TLR6: variants seen among roughly 807,000 people sequenced by gnomAD.
The protein encoded by TLR6 is toll like receptor 6, also known as toll-like receptor 6.
Under a neutral mutation model 16.1 loss-of-function variants are expected in TLR6, and 9 were observed. The ratio of observed to expected loss-of-function variants is 0.56; its 90% CI spans 0.34 to 0.98. The LOEUF (loss-of-function observed/expected upper bound fraction) is 0.98. TLR6 is among the 50% of genes least tolerant of loss of function. The pLI is 0.02. For missense variants in TLR6, 786 were observed against 921.0 expected (o/e 0.85, Z 1.90); for synonymous variants, 340 against 338.6 (o/e 1.00, Z -0.04).
chr4:38,827,030 T>C (rs1332401125), exon 2 of TLR6: 2 of 1,359,242 alleles, frequency 1.5e-6, no homozygotes, highest in Non-Finnish European at 2.0e-6. Context: ...ACTGTACTAT[T>C]CACCATCATC....
intron 1 of TLR6, among the ~76,000 whole-genome samples, chr4:38,850,605 T>A (rs1712730152): frequency 6.6e-6 from 1 of 152,162 alleles, no homozygotes; most frequent in Non-Finnish European, 1.5e-5. Flanking sequence ...TAAACACCTC[T>A]ATGCAAATAA....
At chr4:38,835,830 T>C (rs1711884369) in intron 1 of TLR6, among the ~76,000 whole-genome samples, 1 of 152,174 alleles carries the variant, frequency 6.6e-6, no homozygotes, top group African/African-American at 2.4e-5. Flanking sequence ...CTTTTGAAAC[T>C]GTATAAATAC....
At chr4:38,841,717 C>T (rs1374514427) in intron 1 of TLR6, among the ~76,000 whole-genome samples, 1 of 152,188 alleles carries the variant, frequency 6.6e-6, no homozygotes, top group African/African-American at 2.4e-5. Flanking sequence ...TTTGATCAAT[C>T]GCATCAAAGG....
exon 2 of TLR6, chr4:38,827,795 T>C: frequency 6.2e-7 from 1 of 1,614,254 alleles, no homozygotes; most frequent in Non-Finnish European, 8.5e-7. Flanking sequence ...GTAGTCACAC[T>C]TATAAGAATC....
exon 2 of TLR6, chr4:38,828,531 G>C (rs1727664940): frequency 1.9e-6 from 3 of 1,613,898 alleles, no homozygotes; most frequent in Non-Finnish European, 2.5e-6. Context: ...AGAAAAACTT[G>C]GTTCGTGATA....
In TLR6 at chr4:38,836,987, C is replaced by T. The variant is rs572198031; in HGVS notation, c.-64-7450G>A. ...GAAATCAAGAAAGCAATCTTATTTG[C>T]ATAGCTACAAGACAATTACAATACC... On this transcript the variant is annotated intron_variant, in intron 1 of 1. Coordinates refer to ENST00000436693, the Ensembl canonical transcript of TLR6. 1.3e-4 allele frequency among the ~76,000 whole-genome samples: 20 copies of T among 150,666 alleles called. No individual in the cohort carries two copies. The East Asian group carries it at 3.9e-3, about 29-fold the overall frequency.
At chr4:38,830,325 G>A (rs1560263967) in intron 1 of TLR6, among the ~76,000 whole-genome samples, 1 of 152,208 alleles carries the variant, frequency 6.6e-6, no homozygotes, top group Non-Finnish European at 1.5e-5. Flanking sequence ...GACAGAAAAT[G>A]TAATAGCCAC....
chr4:38,857,804 C>T (rs560668643), upstream of TLR6, among the ~76,000 whole-genome samples: 22 of 152,330 alleles, frequency 1.4e-4, no homozygotes, highest in South Asian at 4.6e-3. Context: ...CAGGAAGTCT[C>T]CTCAGGCCTG....
upstream of TLR6, among the ~76,000 whole-genome samples, chr4:38,860,181 G>A (rs1433173886): frequency 1.3e-5 from 2 of 152,126 alleles, no homozygotes; most frequent in Non-Finnish European, 2.9e-5. Context: ...AGATAAGATT[G>A]ATAATTTTGG....
chr4:38,839,232 A>C (rs1712118474), intron 1 of TLR6, among the ~76,000 whole-genome samples: 1 of 151,970 alleles, frequency 6.6e-6, no homozygotes, highest in Non-Finnish European at 1.5e-5. Context: ...TATTTCAACT[A>C]TATGATATTC....
intron 1 of TLR6, among the ~76,000 whole-genome samples, chr4:38,829,970 A>G (rs1727748710): frequency 1.3e-5 from 2 of 152,382 alleles, no homozygotes; most frequent in East Asian, 3.8e-4. Context: ...GCAAAGATAT[A>G]TGGAGAAAGA....
intron 1 of TLR6, among the ~76,000 whole-genome samples, chr4:38,848,278 T>A (rs1712620838): frequency 6.6e-6 from 1 of 152,124 alleles, no homozygotes; most frequent in South Asian, 2.1e-4. Flanking sequence ...CAAAAACCCA[T>A]CTGTACGTCA....
chr4:38,829,183 C>A, exon 2 of TLR6: 6 of 1,614,170 alleles, frequency 3.7e-6, no homozygotes, highest in Non-Finnish European at 5.1e-6. Flanking sequence ...CCTGGTTGAA[C>A]TTGAAAACAC....
At chr4:38,863,257 C>T in the TLR6 span, among the ~76,000 whole-genome samples, 1 of 152,178 alleles carries the variant, frequency 6.6e-6, no homozygotes, top group Non-Finnish European at 1.5e-5. Flanking sequence ...ATCCCACTCC[C>T]CACTCTCCCT....
chr4:38,861,505 T>C (rs540958714), upstream of TLR6, among the ~76,000 whole-genome samples: 1 of 152,276 alleles, frequency 6.6e-6, no homozygotes, highest in East Asian at 1.9e-4. Context: ...TCATGCTCCA[T>C]CCTCTTCATT....
chr4:38,860,774 C>CA (rs1713176974), upstream of TLR6, among the ~76,000 whole-genome samples: 1 of 151,974 alleles, frequency 6.6e-6, no homozygotes, highest in Non-Finnish European at 1.5e-5. Context: ...TGGGAAAATA[C>CA]AAATTAACAC....
At chr4:38,866,594 T>C in the TLR6 span, among the ~76,000 whole-genome samples, 14 of 151,968 alleles carry the variant, frequency 9.2e-5, no homozygotes, top group African/African-American at 3.4e-4. Context: ...GAAATATAAT[T>C]ACAAACATAT....
exon 2 of TLR6, chr4:38,829,197 A>T (rs778317307): frequency 6.2e-7 from 1 of 1,614,170 alleles, no homozygotes; most frequent in Non-Finnish European, 8.5e-7. Flanking sequence ...AAAACACTTA[A>T]ATCAAGTAGC....
At chr4:38,858,346 G>T (rs1405335521), upstream of TLR6, among the ~76,000 whole-genome samples, 1 of 152,182 alleles carries the variant, frequency 6.6e-6, no homozygotes, top group Non-Finnish European at 1.5e-5. Flanking sequence ...AGTCATAATA[G>T]TAAGGAGTTT....
Sources: allele counts gnomAD v4.1 joint callset (sites outside exome capture counted in the v4.1 genomes callset), GRCh38; gene constraint gnomAD v4.1.1; transcripts MANE v1.5; gene names NCBI Gene and HGNC (gene_info 2026-07-23, HGNC 2026-07-21).